Variants in MGAT4C observed in about 807,000 individuals in gnomAD.
MGAT4C encodes MGAT4 family member C.
A neutral mutation model predicts 40.1 loss-of-function variants in MGAT4C; 19 were observed. The observed-to-expected ratio is 0.47, with a 90% confidence interval of 0.33 to 0.70. The LOEUF is 0.70. Ranked by LOEUF, MGAT4C falls within the 30% of genes least tolerant of loss-of-function variation. The probability of loss-of-function intolerance (pLI) is 0.02; values close to 1 mark genes in which losing one functional copy is unlikely to be tolerated. For synonymous variants in MGAT4C, 181 were observed against 187.1 expected (o/e 0.97, Z 0.27); for missense variants, 491 against 563.2 (o/e 0.87, Z 1.30).
chr12:86,310,348 T>C (rs1003386100), intron 4 of MGAT4C, among the ~76,000 whole-genome samples: 2 of 152,174 alleles, frequency 1.3e-5, no homozygotes, highest in African/African-American at 4.8e-5. Flanking sequence ...TCAAAGGTAG[T>C]GTTCTCAGTC....
At position 85,972,768 on chromosome 12, in the gene MGAT4C, C is replaced by T. The variant is rs900241398; in HGVS notation, c.*6521G>A. 10 of 150,974 alleles carry T rather than the reference C, an allele frequency of 6.6e-5. No homozygotes were observed. Among genetic ancestry groups the T allele is most frequent in the Non-Finnish European group, 1.0e-4 (7 of 67,190 alleles). 9.4% of individuals were successfully genotyped at this position (150,974 alleles called of 1,614,324 possible). ...AAAGGATCTGAGATAATTATTCTAA[C>T]TTTTTGGAACTATACTTTCACTCAT... On this transcript the variant is annotated 3_prime_UTR_variant, in exon 5 of 5. Transcript: ENST00000611864.
intron 1 of MGAT4C, among the ~76,000 whole-genome samples, chr12:86,053,796 C>A (rs1475965702): frequency 1.3e-5 from 2 of 151,646 alleles, no homozygotes; most frequent in Non-Finnish European, 2.9e-5. Flanking sequence ...CAAAAGAAGA[C>A]CAACAGGTAT....
chr12:86,370,227 T>C (rs1955689189), intron 3 of MGAT4C, among the ~76,000 whole-genome samples: 1 of 152,012 alleles, frequency 6.6e-6, no homozygotes, highest in Non-Finnish European at 1.5e-5. Context: ...GTGTACTAAA[T>C]GTTAGAGTAA....
intron 2 of MGAT4C, among the ~76,000 whole-genome samples, chr12:86,527,612 C>A (rs1056327293): frequency 6.6e-6 from 1 of 152,116 alleles, no homozygotes; most frequent in African/African-American, 2.4e-5. Flanking sequence ...AATATTAATT[C>A]TTCCAATCCA....
chr12:86,254,062 C>A (rs2471568), intron 1 of MGAT4C, among the ~76,000 whole-genome samples: 1 of 151,498 alleles, frequency 6.6e-6, no homozygotes, highest in Non-Finnish European at 1.5e-5. Context: ...ATAAGTCAGA[C>A]AAAGAACATA....
intron 2 of MGAT4C, among the ~76,000 whole-genome samples, chr12:86,620,286 A>G (rs1962594248): frequency 6.6e-6 from 1 of 152,102 alleles, no homozygotes; most frequent in South Asian, 2.1e-4. Context: ...ACTATTTACA[A>G]TGCAAAGTTA....
intron 1 of MGAT4C, among the ~76,000 whole-genome samples, chr12:86,815,431 G>A (rs186805225): frequency 2.2e-3 from 341 of 151,868 alleles, no homozygotes; most frequent in African/African-American, 7.8e-3. Context: ...GTGGAAAACA[G>A]TGTGGCGATT....
chr12:86,513,590 T>C (rs957938077), intron 2 of MGAT4C, among the ~76,000 whole-genome samples: 1 of 152,174 alleles, frequency 6.6e-6, no homozygotes, highest in African/African-American at 2.4e-5. Flanking sequence ...GATAGTTTTT[T>C]GAACATATAG....
chr12:86,586,038 G>A (rs1283156009), intron 2 of MGAT4C, among the ~76,000 whole-genome samples: 1 of 149,062 alleles, frequency 6.7e-6, no homozygotes, highest in African/African-American at 2.5e-5. Context: ...CCATGCTGGT[G>A]TGCTGCACCC....
At chr12:86,632,560 T>C (rs1277043070) in intron 2 of MGAT4C, among the ~76,000 whole-genome samples, 1 of 152,096 alleles carries the variant, frequency 6.6e-6, no homozygotes, top group African/African-American at 2.4e-5. Context: ...ATATACACTA[T>C]GGAATACTAT....
chr12:86,120,153 T>C (rs1592993338), intron 1 of MGAT4C, among the ~76,000 whole-genome samples: 1 of 151,778 alleles, frequency 6.6e-6, no homozygotes, highest in East Asian at 1.9e-4. Flanking sequence ...GGCAATATGT[T>C]TGTAACAAGA....
At chr12:86,560,025 A>T (rs1959792022) in intron 2 of MGAT4C, among the ~76,000 whole-genome samples, 3 of 151,992 alleles carry the variant, frequency 2.0e-5, no homozygotes, top group Admixed American at 2.0e-4. Context: ...ACAGCTACAA[A>T]CTAACAAATG....
rs1555196737 is a variant in MGAT4C at position 86,497,915 on chromosome 12, T to TAC, written c.-228-62652_-228-62651dup. On this transcript the variant is annotated intron_variant, in intron 2 of 7. Transcript: ENST00000548651. ...CTAAATATATATATATATATATATA[T>TAC]ACGCACACACACATATAATATTATA... 2.6e-3 allele frequency among the ~76,000 whole-genome samples: 373 copies of TAC among 141,832 alleles called. 1 individual carries two copies. The highest frequency in any genetic ancestry group is 7.7e-3 in the African/African-American group (297 of 38,820). The allele number at this position is 141,832 out of a possible 152,430, so 93.0% of individuals were successfully genotyped here.
At chr12:86,000,025 G>A (rs980203141) in intron 2 of MGAT4C, among the ~76,000 whole-genome samples, 4 of 152,156 alleles carry the variant, frequency 2.6e-5, no homozygotes, top group East Asian at 1.9e-4. Context: ...TGTTATCACC[G>A]AAAAAACTTT....
At chr12:86,347,494 T>C (rs1046901530) in intron 3 of MGAT4C, among the ~76,000 whole-genome samples, 1 of 152,222 alleles carries the variant, frequency 6.6e-6, no homozygotes, top group African/African-American at 2.4e-5. Flanking sequence ...AGCCAGTCTC[T>C]GAGCACCTTT....
chr12:86,757,806 C>G (rs1278246523), intron 1 of MGAT4C, among the ~76,000 whole-genome samples: 2 of 152,154 alleles, frequency 1.3e-5, no homozygotes, highest in African/African-American at 2.4e-5. Flanking sequence ...GAAAGATAAC[C>G]ATTTTGTCTA....
At chr12:86,009,509 G>A (rs1268393187) in intron 2 of MGAT4C, among the ~76,000 whole-genome samples, 1 of 152,046 alleles carries the variant, frequency 6.6e-6, no homozygotes, top group Non-Finnish European at 1.5e-5. Flanking sequence ...AATCAGTTGT[G>A]TCTTTGAGTT....
chr12:86,165,266 T>C lies in MGAT4C; in HGVS notation c.-57+90973A>G, dbSNP rs1211773824. On this transcript the variant is annotated intron_variant, in intron 1 of 4. Transcript: ENST00000611864. ...AATGTAGATATAAATAATGCATTTG[T>C]TGACAACATCACAAATATATGTAGT... 2.6e-5 allele frequency among the ~76,000 whole-genome samples: 4 copies of C among 152,130 alleles called. No individual in the cohort carries two copies. In the South Asian group the frequency reaches 6.2e-4, roughly 24 times the overall value.
chr12:86,000,942 A>G (rs1437306299), intron 2 of MGAT4C, among the ~76,000 whole-genome samples: 5 of 152,156 alleles, frequency 3.3e-5, no homozygotes, highest in Non-Finnish European at 7.4e-5. Context: ...GTATATTTCT[A>G]ACAGGCTCAT....
Sources: allele counts gnomAD v4.1 joint callset (sites outside exome capture counted in the v4.1 genomes callset), GRCh38; gene constraint gnomAD v4.1.1; transcripts MANE v1.5; gene names NCBI Gene and HGNC (gene_info 2026-07-23, HGNC 2026-07-21).